GALNTL6: variants seen among roughly 807,000 people sequenced by gnomAD.
GALNTL6 encodes the protein polypeptide N-acetylgalactosaminyltransferase-like 6.
Under a neutral mutation model 73.7 loss-of-function variants are expected in GALNTL6, and 46 were observed. The ratio of observed to expected loss-of-function variants is 0.62; its 90% CI spans 0.49 to 0.80. The LOEUF is 0.80. GALNTL6 is among the 30% of genes least tolerant of loss of function. GALNTL6 has a pLI of 0.00. For missense variants in GALNTL6, 604 were observed against 755.0 expected (o/e 0.80, Z 2.34); for synonymous variants, 259 against 263.7 (o/e 0.98, Z 0.17).
chr4:172,798,095 T>C (rs140290791), intron 5 of GALNTL6, among the ~76,000 whole-genome samples: 102 of 152,322 alleles, frequency 6.7e-4, no homozygotes, highest in Non-Finnish European at 1.3e-3. Flanking sequence ...ATTTCCTTGA[T>C]GTGGCTCATA....
chr4:171,848,150 C>T (rs111480823), intron 2 of GALNTL6, among the ~76,000 whole-genome samples: 1,664 of 152,300 alleles, frequency 0.011, 12 homozygotes, highest in Non-Finnish European at 0.017. Flanking sequence ...ACATTAATCT[C>T]CTTGTACATC....
intron 2 of GALNTL6, among the ~76,000 whole-genome samples, chr4:172,041,756 G>A (rs540037416): frequency 6.6e-6 from 1 of 152,160 alleles, no homozygotes; most frequent in Non-Finnish European, 1.5e-5. Flanking sequence ...AGGTGTAAGT[G>A]TGGTGGATGA....
intron 4 of GALNTL6, among the ~76,000 whole-genome samples, chr4:172,327,208 G>A (rs945069556): frequency 3.9e-5 from 6 of 152,006 alleles, no homozygotes; most frequent in Admixed American, 3.9e-4. Flanking sequence ...GCATGGTTTT[G>A]AGAAATATTT....
intron 2 of GALNTL6, among the ~76,000 whole-genome samples, chr4:171,831,064 A>G (rs1734956985): frequency 6.6e-6 from 1 of 152,116 alleles, no homozygotes; most frequent in African/African-American, 2.4e-5. Flanking sequence ...TTGGGAATAT[A>G]GACTGATATA....
chr4:171,823,995 C>A (rs1460447527), intron 2 of GALNTL6, among the ~76,000 whole-genome samples: 2 of 148,934 alleles, frequency 1.3e-5, no homozygotes, highest in Non-Finnish European at 3.0e-5. Context: ...TATTAATAAA[C>A]TTTAAGGTCA....
At chr4:172,245,296 G>A (rs774942174) in intron 3 of GALNTL6, among the ~76,000 whole-genome samples, 1 of 152,050 alleles carries the variant, frequency 6.6e-6, no homozygotes, top group Non-Finnish European at 1.5e-5. Context: ...TTTTACCTCA[G>A]CTCAAATGCT....
chr4:171,926,713 C>T (rs746671471), intron 2 of GALNTL6, among the ~76,000 whole-genome samples: 1 of 152,086 alleles, frequency 6.6e-6, no homozygotes, highest in Non-Finnish European at 1.5e-5. Context: ...CACAGTACTC[C>T]AAACATTATT....
chr4:172,985,592 C>T (rs1288366780), intron 10 of GALNTL6, among the ~76,000 whole-genome samples: 2 of 152,006 alleles, frequency 1.3e-5, no homozygotes, highest in Non-Finnish European at 2.9e-5. Context: ...AACCAGCCTC[C>T]CTGAAAATTC....
rs748333429 is a variant in GALNTL6 at position 172,229,759 on chromosome 4, G to A, written c.242G>A (p.Arg81His). The A allele has an allele frequency of 3.1e-6, 5 of 1,600,888 alleles. No homozygotes were observed. Among genetic ancestry groups the A allele is most frequent in the Non-Finnish European group, 4.3e-6 (5 of 1,168,392 alleles). Reference protein sequence around the residue: ...DYESIQKEAMRSGKGEHGKPY... With the variant: ...DYESIQKEAMHSGKGEHGKPY... ...GAAAGCATTCAGAAAGAGGCTATGC[G>A]CTCAGGTATGAAGCTCAGTGTACGC... Residue 81 changes from arginine (R) to histidine (H), a missense_variant, in exon 3 of 13, where the codon CGC becomes CAC. Physicochemically the swap from Arg to His is conservative, Grantham distance 29 (BLOSUM62 0). Around this residue, in one of 5 missense-constraint regions of GALNTL6, gnomAD observed 141 missense variants for 156.6 expected, o/e 0.90. Transcript: ENST00000506823.
At chr4:172,667,928 A>G (rs1231861465) in intron 5 of GALNTL6, 1 of 152,152 alleles carries the variant, frequency 6.6e-6, no homozygotes, top group Non-Finnish European at 1.5e-5. Context: ...ACCACTCAGC[A>G]TTTTCCCCCG....
At chr4:171,850,640 A>G (rs532431267) in intron 2 of GALNTL6, among the ~76,000 whole-genome samples, 1 of 152,318 alleles carries the variant, frequency 6.6e-6, no homozygotes, top group East Asian at 1.9e-4. Context: ...TTAGCATTTC[A>G]TTACGACAAA....
At chr4:171,903,562 G>T (rs920428985) in intron 2 of GALNTL6, among the ~76,000 whole-genome samples, 4 of 147,802 alleles carry the variant, frequency 2.7e-5, no homozygotes, top group African/African-American at 1.0e-4. Flanking sequence ...CAGCGAGGCT[G>T]GGGGAGGGGC....
intron 10 of GALNTL6, among the ~76,000 whole-genome samples, chr4:172,964,427 A>G (rs937788610): frequency 6.6e-6 from 1 of 152,194 alleles, no homozygotes; most frequent in East Asian, 1.9e-4. Flanking sequence ...ACTGTCCTCA[A>G]TGTGCCAATC....
intron 10 of GALNTL6, among the ~76,000 whole-genome samples, chr4:173,008,960 C>A (rs139295001): frequency 1.4e-4 from 21 of 152,318 alleles, no homozygotes; most frequent in African/African-American, 4.8e-4. Context: ...AACTATATTT[C>A]TTTCCAGAAT....
chr4:171,925,276 T>G (rs969741430), intron 2 of GALNTL6, among the ~76,000 whole-genome samples: 2 of 152,148 alleles, frequency 1.3e-5, no homozygotes, highest in African/African-American at 4.8e-5. Context: ...TGAGATATGC[T>G]TTTTAGGTAG....
At chr4:171,948,185 T>C (rs1324755445) in intron 2 of GALNTL6, among the ~76,000 whole-genome samples, 1 of 148,978 alleles carries the variant, frequency 6.7e-6, no homozygotes, top group Non-Finnish European at 1.5e-5. Context: ...AAAAAAAAAA[T>C]GACAGTGAAT....
intron 7 of GALNTL6, among the ~76,000 whole-genome samples, chr4:172,821,733 A>G (rs946670544): frequency 6.6e-6 from 1 of 152,234 alleles, no homozygotes; most frequent in Non-Finnish European, 1.5e-5. Context: ...AGAATAAAGG[A>G]GCAGAAAATG....
intron 5 of GALNTL6, among the ~76,000 whole-genome samples, chr4:172,439,172 TCACACACA>T (rs57281407): frequency 0.023 from 3,323 of 145,562 alleles, 109 homozygotes; most frequent in African/African-American, 0.071. Context: ...TCTCTCCCCT[TCACACACA>T]CACACACACA....
At chr4:171,907,172 G>A (rs1332613930) in intron 2 of GALNTL6, among the ~76,000 whole-genome samples, 1 of 151,916 alleles carries the variant, frequency 6.6e-6, no homozygotes, top group Non-Finnish European at 1.5e-5. Context: ...AGGAAATAAA[G>A]GGTATTCAAT....
Sources: allele counts gnomAD v4.1 joint callset (sites outside exome capture counted in the v4.1 genomes callset), GRCh38; gene constraint gnomAD v4.1.1; regional missense constraint gnomAD v4.1.1; transcripts MANE v1.5; gene names NCBI Gene and HGNC (gene_info 2026-07-23, HGNC 2026-07-21).